RCAN2: variants seen among roughly 807,000 people sequenced by gnomAD.
RCAN2 encodes the protein calcipressin-2.
In RCAN2, 9 loss-of-function variants were observed where a neutral mutation model predicts 23.6. The observed-to-expected ratio is 0.38, with a 90% CI of 0.23 to 0.67. RCAN2 has a LOEUF of 0.67. RCAN2 is among the 30% of genes least tolerant of loss of function. The pLI is 0.51. For missense variants in RCAN2, 273 were observed against 302.3 expected (o/e 0.90, Z 0.72); for synonymous variants, 109 against 115.7 (o/e 0.94, Z 0.37).
chr6:46,463,613 G>T (rs993831150), intron 1 of RCAN2, among the ~76,000 whole-genome samples: 1 of 152,152 alleles, frequency 6.6e-6, no homozygotes, highest in African/African-American at 2.4e-5. Context: ...TAAGAAAAGA[G>T]ACATCTGTTT....
intron 2 of RCAN2, among the ~76,000 whole-genome samples, chr6:46,394,253 T>C (rs1399886135): frequency 1.3e-5 from 2 of 152,216 alleles, no homozygotes; most frequent in African/African-American, 4.8e-5. Context: ...AATTCTTCAG[T>C]AGCAGTAAAT....
chr6:46,471,891 G>GCA (rs139974801), intron 1 of RCAN2, among the ~76,000 whole-genome samples: 35 of 151,586 alleles, frequency 2.3e-4, no homozygotes, highest in East Asian at 5.8e-4. Flanking sequence ...AGGTGCGTGC[G>GCA]CACACACACA....
At chr6:46,351,951 A>G (rs1764660365) in intron 2 of RCAN2, among the ~76,000 whole-genome samples, 1 of 152,194 alleles carries the variant, frequency 6.6e-6, no homozygotes, top group Admixed American at 6.5e-5. Context: ...GCTTGCCTCT[A>G]GAAAAGGTCA....
rs2150432657 is a variant in RCAN2 at position 46,456,733 on chromosome 6, A to T, written c.225+19T>A. 1 of 1,506,628 alleles carries T rather than the reference A, an allele frequency of 6.6e-7. No individual in the cohort carries two copies. The highest frequency in any genetic ancestry group is 1.4e-5 in the African/African-American group (1 of 72,260). 93.3% of individuals were successfully genotyped at this position (1,506,628 alleles called of 1,614,324 possible). A position where few individuals can be genotyped will look rare whatever the true frequency, so the allele number is the denominator to read the frequency against. ...TGCCATATCTCCCCATGTTTTAGGAACAGAAAAAGGCAGCTTACCTTGCTC... is the reference window on the plus strand; with the variant it reads ...TGCCATATCTCCCCATGTTTTAGGATCAGAAAAAGGCAGCTTACCTTGCTC... On this transcript the variant is annotated intron_variant, in intron 2 of 4. Transcript: ENST00000371374.
chr6:46,385,622 C>T lies in RCAN2; in HGVS notation c.225+71130G>A, dbSNP rs375812172. 8.6e-5 allele frequency among the ~76,000 whole-genome samples: 13 copies of T among 151,996 alleles called. No individual in the cohort carries two copies. In the East Asian group the frequency reaches 1.9e-3, roughly 23 times the overall value. Reference sequence around the variant, plus strand: ...CTGTAATCCCAGCACTTTGGGAGGCCGAGGTGGGCAGATCACTTGAGGTCA... The same window carrying T: ...CTGTAATCCCAGCACTTTGGGAGGCTGAGGTGGGCAGATCACTTGAGGTCA... On this transcript the variant is annotated intron_variant, in intron 2 of 4. Coordinates refer to ENST00000371374, the MANE Select transcript of RCAN2 (RefSeq NM_001251974.2).
chr6:46,412,417 G>A (rs764352397), intron 2 of RCAN2, among the ~76,000 whole-genome samples: 40 of 152,178 alleles, frequency 2.6e-4, no homozygotes, highest in Non-Finnish European at 4.7e-4. Context: ...TACAGATTGT[G>A]GGGGGCATCA....
At chr6:46,395,848 A>C (rs1316998163) in intron 2 of RCAN2, among the ~76,000 whole-genome samples, 2 of 152,166 alleles carry the variant, frequency 1.3e-5, no homozygotes. Flanking sequence ...TACGTACCTC[A>C]AAGCTGATTC....
intron 2 of RCAN2, among the ~76,000 whole-genome samples, chr6:46,354,641 CT>C (rs772883138): frequency 6.6e-6 from 1 of 152,210 alleles, no homozygotes; most frequent in East Asian, 1.9e-4. Context: ...CAGAATCAGT[CT>C]CTTTTAAAGC....
intron 2 of RCAN2, among the ~76,000 whole-genome samples, chr6:46,356,806 T>C (rs1764845501): frequency 6.6e-6 from 1 of 152,194 alleles, no homozygotes; most frequent in Non-Finnish European, 1.5e-5. Flanking sequence ...ACACAGATAT[T>C]GCTTCTTCAG....
chr6:46,331,181 C>T (rs958377183), intron 2 of RCAN2, among the ~76,000 whole-genome samples: 1 of 152,092 alleles, frequency 6.6e-6, no homozygotes, highest in Non-Finnish European at 1.5e-5. Flanking sequence ...TGCTTCTTTT[C>T]CTTTATTAAT....
chr6:46,293,048 T>A (rs1245928499), intron 2 of RCAN2, among the ~76,000 whole-genome samples: 1 of 152,252 alleles, frequency 6.6e-6, no homozygotes, highest in Non-Finnish European at 1.5e-5. Flanking sequence ...GCAAAAGTTA[T>A]GAACTCATCC....
chr6:46,226,394 A>T (rs1765665140), intron 4 of RCAN2, among the ~76,000 whole-genome samples: 1 of 152,032 alleles, frequency 6.6e-6, no homozygotes, highest in Non-Finnish European at 1.5e-5. Context: ...CATTTTCATG[A>T]TATTGATTCT....
At chr6:46,465,772 C>A (rs533932204) in intron 1 of RCAN2, among the ~76,000 whole-genome samples, 2 of 152,130 alleles carry the variant, frequency 1.3e-5, no homozygotes, top group South Asian at 4.1e-4. Flanking sequence ...GGGCACAGGG[C>A]GCAGTGCAGA....
rs201861547 is a variant in RCAN2, at chr6:46,325,733, A to AT, written c.226-76838dup. 2.3e-3 allele frequency: 2,905 copies of AT among 1,251,536 alleles called. 6 individuals carry two copies. The highest frequency in any genetic ancestry group is 0.023 in the East Asian group (666 of 29,182). 77.5% of individuals were successfully genotyped at this position (1,251,536 alleles called of 1,614,324 possible). On this transcript the variant is annotated intron_variant, in intron 2 of 4. Coordinates refer to ENST00000371374, the MANE Select transcript of RCAN2 (RefSeq NM_001251974.2). ...ACAAAGACTGACACAAGCTGAAGCT[A>AT]TTTTTTTTTCTCCAAGCCTTTTATC...
intron 2 of RCAN2, among the ~76,000 whole-genome samples, chr6:46,440,601 A>G (rs561545712): frequency 6.6e-6 from 1 of 151,708 alleles, no homozygotes; most frequent in African/African-American, 2.4e-5. Context: ...AAAATATCTT[A>G]TATTACATAT....
intron 1 of RCAN2, among the ~76,000 whole-genome samples, chr6:46,478,926 C>T (rs1020501325): frequency 8.5e-5 from 13 of 152,084 alleles, no homozygotes; most frequent in Non-Finnish European, 1.6e-4. Context: ...AAACAATTGG[C>T]GATGTGCATA....
intron 2 of RCAN2, among the ~76,000 whole-genome samples, chr6:46,442,175 G>T (rs970507143): frequency 1.3e-5 from 2 of 152,170 alleles, no homozygotes; most frequent in Non-Finnish European, 2.9e-5. Flanking sequence ...TAATGATAAA[G>T]CTCATCCTAA....
chr6:46,316,815 C>T (rs1561856254), intron 2 of RCAN2, among the ~76,000 whole-genome samples: 1 of 152,134 alleles, frequency 6.6e-6, no homozygotes, highest in Non-Finnish European at 1.5e-5. Context: ...TACCCAAAGG[C>T]ACAGTAAAGT....
chr6:46,330,622 C>T (rs543368480), intron 2 of RCAN2, among the ~76,000 whole-genome samples: 53 of 152,308 alleles, frequency 3.5e-4, no homozygotes, highest in African/African-American at 1.2e-3. Flanking sequence ...CTTTCTCCCC[C>T]TCTCCTTGAT....
Sources: gnomAD v4.1 joint callset for allele counts (sites outside exome capture counted in the v4.1 genomes callset) on GRCh38, gnomAD v4.1.1 for gene constraint, MANE v1.5 for transcripts, NCBI Gene and HGNC (gene_info 2026-07-23, HGNC 2026-07-21) for gene names.